The following SIPA1L2 variants were observed in gnomAD, a reference collection of about 807,000 sequenced individuals.
The protein encoded by SIPA1L2 is signal-induced proliferation-associated 1-like protein 2.
SIPA1L2 carries 56 observed loss-of-function variants against 163.9 expected under a neutral mutation model. That is an observed-to-expected ratio of 0.34 (90% confidence interval 0.28 to 0.43). SIPA1L2 has a LOEUF of 0.43. Ranked by LOEUF, SIPA1L2 falls within the 20% of genes least tolerant of loss-of-function variation. SIPA1L2 has a pLI of 1.00. For missense variants in SIPA1L2, 1,974 were observed against 2,193.5 expected (o/e 0.90, Z 2.00); for synonymous variants, 877 against 865.7 (o/e 1.01, Z -0.23).
chr1:232,494,139 G>A (rs1666063197), intron 3 of SIPA1L2, among the ~76,000 whole-genome samples: 3 of 152,116 alleles, frequency 2.0e-5, no homozygotes, highest in South Asian at 2.1e-4. Context: ...AGCTAAGATC[G>A]CCTTTTCATT....
intron 1 of SIPA1L2, among the ~76,000 whole-genome samples, chr1:232,582,683 T>C (rs1660445315): frequency 1.3e-5 from 2 of 152,186 alleles, no homozygotes; most frequent in African/African-American, 4.8e-5. Context: ...GTAATGGAAT[T>C]GCTGGGTCGA....
intron 4 of SIPA1L2, among the ~76,000 whole-genome samples, chr1:232,493,094 C>A (rs1258455080): frequency 6.6e-6 from 1 of 152,090 alleles, no homozygotes; most frequent in Admixed American, 6.5e-5. Context: ...CTCACAAGAT[C>A]TGATGGTTTA....
rs367736584 is a variant in SIPA1L2 at position 232,441,291 on chromosome 1, G to A, written c.3642C>T (p.His1214=). 5.6e-6 allele frequency: 9 copies of A among 1,593,128 alleles called. No homozygotes were observed. Among genetic ancestry groups the A allele is most frequent in the African/African-American group, 4.1e-5 (3 of 73,140 alleles). The change falls in exon 14 of 23, where the codon CAC becomes CAT. Residue 1214 remains histidine, a splice_region_variant and synonymous_variant. Coordinates refer to ENST00000674635, the MANE Select transcript of SIPA1L2 (RefSeq NM_020808.5). ...SCKDSPNKLS[H]IGDKSCSSHS... ...AAGGGCTTATGAACAAAGGACTTAC[G>A]TGAGAAAGCTTATTGGGGGAATCTT...
intron 2 of SIPA1L2, among the ~76,000 whole-genome samples, chr1:232,569,088 A>G (rs940127268): frequency 4.6e-5 from 7 of 152,202 alleles, no homozygotes; most frequent in African/African-American, 1.7e-4. Flanking sequence ...TTGAGAGCCC[A>G]CAGTCTCCTT....
chr1:232,515,242 T>G lies in SIPA1L2; in HGVS notation c.98A>C (p.Tyr33Ser), dbSNP rs750439035. ...AATGGCTTTAAATTTCCGAGCAAAA[T>G]AATCATCTGACTGCATGATTCTAGG... ...DPPRIMQSDD[Y>S]FARKFKAING... Residue 33 changes from tyrosine to serine, a missense_variant, in exon 3 of 23, where the codon TAT becomes TCT. By Grantham distance (144) the Tyr-to-Ser change is moderately radical. Coordinates refer to ENST00000674635, the MANE Select transcript of SIPA1L2 (RefSeq NM_020808.5). 1 of 1,614,106 alleles carries G rather than the reference T, an allele frequency of 6.2e-7. No homozygotes were observed. Among genetic ancestry groups the G allele is most frequent in the Non-Finnish European group, 8.5e-7 (1 of 1,180,012 alleles).
chr1:232,601,494 C>A (rs1270879805), intron 1 of SIPA1L2, among the ~76,000 whole-genome samples: 3 of 152,220 alleles, frequency 2.0e-5, no homozygotes. Context: ...AAACACTGAT[C>A]ATCAAGATGT....
chr1:232,593,955 C>T (rs1661103003), intron 1 of SIPA1L2, among the ~76,000 whole-genome samples: 1 of 152,196 alleles, frequency 6.6e-6, no homozygotes, highest in Admixed American at 6.5e-5. Context: ...AGCTCAGGCC[C>T]CTCAGTCAGC....
intron 1 of SIPA1L2, among the ~76,000 whole-genome samples, chr1:232,615,589 T>C (rs957571794): frequency 5.3e-5 from 8 of 152,214 alleles, no homozygotes; most frequent in African/African-American, 1.9e-4. Flanking sequence ...ATTCCATTCA[T>C]CAAGTGTCTC....
Position 232,399,069 on chromosome 1 carries a change from G to A in SIPA1L2, c.*58C>T, listed in dbSNP as rs79060538. The A allele has an allele frequency of 4.6e-3, 7,452 of 1,607,760 alleles. 318 individuals carry two copies. The African/African-American group carries it at 0.089, about 19-fold the overall frequency. ...AAGCACACAGAAAAACCACATGTTT[G>A]TGACTTCAAAGGGACAAGGGGCATT... On this transcript the variant is annotated 3_prime_UTR_variant, in exon 23 of 23. Transcript: ENST00000674635.
chr1:232,402,869 C>A, intron 21 of SIPA1L2: 1 of 174,526 alleles, frequency 5.7e-6, no homozygotes, highest in Non-Finnish European at 1.2e-5. Context: ...GAAGTTAATT[C>A]CAAGTTCTAT....
intron 2 of SIPA1L2, among the ~76,000 whole-genome samples, chr1:232,551,506 A>T (rs1658378285): frequency 6.6e-6 from 1 of 152,382 alleles, no homozygotes; most frequent in East Asian, 1.9e-4. Context: ...TTTTTAAAAA[A>T]TGAAGGACAA....
At position 232,401,527 on chromosome 1, in the gene SIPA1L2, A is replaced by AC. The variant is rs535661204; in HGVS notation, c.5022+864dup. ...AAGAAACAATCAGAGAAATTTGCCA[A>AC]CATCTCTGTCTGGACCCTGTGTATG... On this transcript the variant is annotated intron_variant, in intron 22 of 22. Coordinates refer to ENST00000674635, the MANE Select transcript of SIPA1L2 (RefSeq NM_020808.5). Among the ~76,000 whole-genome samples the AC allele has an allele frequency of 5.1e-4, 78 of 152,312 alleles. 1 individual carries two copies. In the South Asian group the frequency reaches 0.011, roughly 22 times the overall value.
intron 5 of SIPA1L2, among the ~76,000 whole-genome samples, chr1:232,489,204 C>T (rs550056209): frequency 3.1e-4 from 47 of 152,258 alleles, no homozygotes; most frequent in Middle Eastern, 6.8e-3. Context: ...TCAAGAACTA[C>T]CTACCACATG....
chr1:232,522,663 T>C (rs1351550286), intron 2 of SIPA1L2, among the ~76,000 whole-genome samples: 1 of 152,214 alleles, frequency 6.6e-6, no homozygotes, highest in Non-Finnish European at 1.5e-5. Flanking sequence ...GAGATGATGG[T>C]AAAGCCATCT....
chr1:232,550,965 G>A (rs1473475622), intron 2 of SIPA1L2, among the ~76,000 whole-genome samples: 1 of 152,140 alleles, frequency 6.6e-6, no homozygotes, highest in Non-Finnish European at 1.5e-5. Flanking sequence ...AGTGGACTGG[G>A]AGTGAGGAGA....
intron 7 of SIPA1L2, among the ~76,000 whole-genome samples, chr1:232,478,224 TAC>T (rs1201207347): frequency 1.3e-5 from 2 of 152,330 alleles, no homozygotes; most frequent in African/African-American, 4.8e-5. Context: ...AGATGTGTAA[TAC>T]AGAGATAGAT....
At chr1:232,471,680 C>T (rs1664809410) in intron 7 of SIPA1L2, 152 bp from the exon 8 acceptor site, 1 of 592,036 alleles carries the variant, frequency 1.7e-6, no homozygotes, top group Admixed American at 3.8e-5. Context: ...ATAGAAAAAG[C>T]AAAATGGGCT....
intron 9 of SIPA1L2, among the ~76,000 whole-genome samples, chr1:232,461,774 A>T (rs1410743347): frequency 1.3e-5 from 2 of 152,190 alleles, no homozygotes; most frequent in African/African-American, 4.8e-5. Flanking sequence ...AAAACTCTAA[A>T]TGTTCTCTAC....
chr1:232,441,590 A>G (rs1260073783), intron 13 of SIPA1L2, among the ~76,000 whole-genome samples, 178 bp downstream of exon 13: 1 of 152,232 alleles, frequency 6.6e-6, no homozygotes, highest in Non-Finnish European at 1.5e-5. Flanking sequence ...TGCAGGTGCC[A>G]CAACCACAAC....
Sources: allele counts gnomAD v4.1 joint callset (sites outside exome capture counted in the v4.1 genomes callset), GRCh38; gene constraint gnomAD v4.1.1; transcripts MANE v1.5; gene names NCBI Gene and HGNC (gene_info 2026-07-23, HGNC 2026-07-21).